SLC60A1: variants seen among roughly 807,000 people sequenced by gnomAD.
The protein encoded by SLC60A1 is solute carrier family 60 member 1.
the SLC60A1 span, among the ~76,000 whole-genome samples, chr1:205,576,029 A>G: frequency 6.6e-6 from 1 of 152,036 alleles, no homozygotes; most frequent in African/African-American, 2.4e-5. Flanking sequence ...TGATCTGTAA[A>G]ATGAGGGACA....
the SLC60A1 span, among the ~76,000 whole-genome samples, chr1:205,584,548 TAAAA>T: frequency 1.8e-5 from 2 of 111,610 alleles, no homozygotes; most frequent in East Asian, 5.4e-4. Context: ...TTTTTTTTTT[TAAAA>T]AAAAAAAAAA....
the SLC60A1 span, chr1:205,579,974 G>T: frequency 6.2e-7 from 1 of 1,602,744 alleles, no homozygotes; most frequent in Non-Finnish European, 8.5e-7. Context: ...CAGGCACAGG[G>T]CTGGGAGCTG....
At chr1:205,590,638 C>T in the SLC60A1 span, among the ~76,000 whole-genome samples, 7 of 152,192 alleles carry the variant, frequency 4.6e-5, no homozygotes, top group Non-Finnish European at 7.3e-5. Context: ...CTCCCAGGAT[C>T]GGCTCCCAAC....
the SLC60A1 span, chr1:205,592,092 T>C: frequency 6.2e-7 from 1 of 1,609,634 alleles, no homozygotes; most frequent in Non-Finnish European, 8.5e-7. Flanking sequence ...TCACCACCGA[T>C]GCTCAGCTTT....
chr1:205,592,180 C>T, the SLC60A1 span: 1 of 1,614,150 alleles, frequency 6.2e-7, no homozygotes, highest in Non-Finnish European at 8.5e-7. Context: ...CTTATTTTCT[C>T]CTACAACGTC....
chr1:205,571,711 G>A, the SLC60A1 span, among the ~76,000 whole-genome samples: 1 of 152,162 alleles, frequency 6.6e-6, no homozygotes, highest in African/African-American at 2.4e-5. Context: ...CATCCCCCCA[G>A]CCAGAAGCTC....
chr1:205,569,251 A>C, the SLC60A1 span: 1 of 1,569,300 alleles, frequency 6.4e-7, no homozygotes, highest in South Asian at 1.2e-5. Flanking sequence ...TTCTCGCAGC[A>C]GCTCTGCCTC....
At chr1:205,578,396 TCTCC>T in the SLC60A1 span, among the ~76,000 whole-genome samples, 2 of 152,152 alleles carry the variant, frequency 1.3e-5, no homozygotes, top group Non-Finnish European at 2.9e-5. Flanking sequence ...CATGACGCAC[TCTCC>T]CTCCATCTCC....
chr1:205,598,459 G>C, the SLC60A1 span: 1 of 152,902 alleles, frequency 6.5e-6, no homozygotes, highest in Admixed American at 6.5e-5. Flanking sequence ...ACTTACCCTA[G>C]GTCAGTCACA....
chr1:205,571,971 C>T, the SLC60A1 span, among the ~76,000 whole-genome samples: 9 of 152,238 alleles, frequency 5.9e-5, no homozygotes, highest in South Asian at 8.3e-4. Context: ...CTCGTGGGTT[C>T]CTACTCAGGT....
At chr1:205,592,368 C>CTTT in the SLC60A1 span, 5 of 405,192 alleles carry the variant, frequency 1.2e-5, no homozygotes, top group Non-Finnish European at 1.2e-5. Flanking sequence ...TCTCTGTGCT[C>CTTT]TTTTTTTTTT....
the SLC60A1 span, among the ~76,000 whole-genome samples, chr1:205,591,678 T>G: frequency 6.6e-6 from 1 of 152,076 alleles, no homozygotes; most frequent in East Asian, 1.9e-4. Context: ...CTTCCCCTGC[T>G]ATCTGATGGC....
chr1:205,584,437 T>C, the SLC60A1 span, among the ~76,000 whole-genome samples: 2 of 151,398 alleles, frequency 1.3e-5, no homozygotes, highest in Admixed American at 1.3e-4. Flanking sequence ...TTGGCCAGGC[T>C]GGTCTCAAAC....
the SLC60A1 span, among the ~76,000 whole-genome samples, chr1:205,587,548 A>G: frequency 3.3e-4 from 51 of 152,252 alleles, no homozygotes; most frequent in African/African-American, 1.2e-3. Flanking sequence ...CTCTTTGTAA[A>G]TATTTTTGAG....
At chr1:205,575,374 G>A in the SLC60A1 span, among the ~76,000 whole-genome samples, 2 of 152,310 alleles carry the variant, frequency 1.3e-5, no homozygotes, top group African/African-American at 4.8e-5. Context: ...TGAAGAGAAT[G>A]TCGATGCCAT....
At chr1:205,577,533 G>A in the SLC60A1 span, among the ~76,000 whole-genome samples, 6 of 152,180 alleles carry the variant, frequency 3.9e-5, no homozygotes, top group Non-Finnish European at 7.4e-5. This position sits in a 1 kb window ranked among gnomAD's most constrained non-coding sequence, Gnocchi z 5.2. Context: ...TGTTAGAGGC[G>A]CATGTTCTAG....
the SLC60A1 span, among the ~76,000 whole-genome samples, chr1:205,596,593 T>C: frequency 1.5e-5 from 2 of 131,960 alleles, no homozygotes; most frequent in South Asian, 2.6e-4. Context: ...AATGATAGTT[T>C]ACCAGAAAAG....
chr1:205,574,119 G>C, the SLC60A1 span, among the ~76,000 whole-genome samples: 1 of 151,850 alleles, frequency 6.6e-6, no homozygotes, highest in Non-Finnish European at 1.5e-5. Context: ...GAATTTTATA[G>C]TATGTAATTT....
chr1:205,579,431 G>T, the SLC60A1 span: 1 of 548,356 alleles, frequency 1.8e-6, no homozygotes, highest in East Asian at 2.8e-5. Context: ...TGAAAAGGGT[G>T]GGGAATATTT....
Sources: allele counts gnomAD v4.1 joint callset (sites outside exome capture counted in the v4.1 genomes callset), GRCh38; gene constraint gnomAD v4.1.1; non-coding constraint Gnocchi (gnomAD v3.1); transcripts MANE v1.5; gene names NCBI Gene and HGNC (gene_info 2026-07-23, HGNC 2026-07-21).